The following SCAF4 variants were observed in gnomAD, a reference collection of about 807,000 sequenced individuals.
The protein encoded by SCAF4 is SR-related CTD associated factor 4, also known as SR-related and CTD-associated factor 4.
A neutral mutation model predicts 129.8 loss-of-function variants in SCAF4; 25 were observed. The ratio of observed to expected loss-of-function variants is 0.19; its 90% confidence interval spans 0.14 to 0.27. SCAF4 has a LOEUF of 0.27. Ranked by LOEUF, SCAF4 falls within the 10% of genes least tolerant of loss-of-function variation. The pLI is 1.00. For missense variants in SCAF4, 1,246 were observed against 1,457.1 expected, an observed-to-expected ratio of 0.86 and a Z score of 2.36; for synonymous variants, 551 against 497.7, an observed-to-expected ratio of 1.11 and a Z score of -1.43.
Position 31,693,287 on chromosome 21 carries a change from G to GA in SCAF4, c.1513+6dup. On this transcript the variant is annotated splice_region_variant and intron_variant, in intron 12 of 19. Transcript: ENST00000286835. ...TACATGAGGTTTGAATATAAAGGTT[G>GA]AGTTACCACTTGCAGTTTCCGGTTT... The GA allele has an allele frequency of 1.4e-6, 2 of 1,453,898 alleles. No homozygotes were observed. The highest frequency in any genetic ancestry group is 9.2e-7 in the Non-Finnish European group (1 of 1,084,392). The allele number at this position is 1,453,898 out of a possible 1,614,324, so 90.1% of individuals were successfully genotyped here.
Position 31,685,727 on chromosome 21 carries a change from G to A in SCAF4, c.2050C>T (p.Pro684Ser), listed in dbSNP as rs181372986. The A allele has an allele frequency of 6.3e-7, 1 of 1,590,284 alleles. No homozygotes were observed. The highest frequency in any genetic ancestry group is 8.5e-7 in the Non-Finnish European group (1 of 1,170,482). The change falls in exon 17 of 20, where the codon CCA becomes TCA. Residue 684 changes from proline (P) to serine (S), a missense_variant. Physicochemically the swap from Pro to Ser is moderately conservative, Grantham distance 74 (BLOSUM62 -1). Transcript: ENST00000286835. ...ACTACAGGTGGACCCGGTTGATGTG[G>A]TGGGACCTAGAAAGAAAGATAAAAG... ...PITVPPPQVP[P>S]HQPGPPVVGA...
chr21:31,697,959 A>G (rs2050428370), intron 7 of SCAF4, among the ~76,000 whole-genome samples: 1 of 152,210 alleles, frequency 6.6e-6, no homozygotes, highest in South Asian at 2.1e-4. Context: ...TGGCAACAAT[A>G]AAATATTTTT....
Position 31,731,808 on chromosome 21 carries a change from C to A in SCAF4, c.-116G>T. The stretch of plus-strand genomic sequence containing the variant: ...GTGGCCGGGGGGAGGCGACGAGCGG[C>A]GGAGTCCGAGGCCCGGGCAGGAAGA... On this transcript the variant is annotated 5_prime_UTR_variant, in exon 1 of 20. Transcript: ENST00000286835. 1 of 1,244,274 alleles carries A rather than the reference C, an allele frequency of 8.0e-7. No homozygotes were observed. Among genetic ancestry groups the A allele is most frequent in the East Asian group, 3.0e-5 (1 of 33,068 alleles). The allele number at this position is 1,244,274 out of a possible 1,614,324, so 77.1% of individuals were successfully genotyped here.
chr21:31,697,631 C>T (rs1247673251), intron 7 of SCAF4, among the ~76,000 whole-genome samples: 2 of 152,194 alleles, frequency 1.3e-5, no homozygotes, highest in East Asian at 1.9e-4. Context: ...CCTTTCAAGC[C>T]GTGCTCATTC....
Position 31,690,908 on chromosome 21 carries a change from A to G in SCAF4, c.1774T>C (p.Tyr592His), listed in dbSNP as rs1206926379. Residue 592 changes from tyrosine (Y) to histidine (H), a missense_variant, in exon 15 of 20, where the codon TAT becomes CAT. By Grantham distance (83) the Tyr-to-His change is moderately conservative (BLOSUM62 2). Transcript: ENST00000286835. ...NKGIKADYKQYWDVELGVTYI... is the reference protein window; with the variant it reads ...NKGIKADYKQHWDVELGVTYI... ...GTAACACCAAGTTCTACATCCCAAT[A>G]CTGCTTATAATCTGCCTTTATTCCT... 2.5e-6 allele frequency: 4 copies of G among 1,613,188 alleles called. No homozygotes were observed. Among genetic ancestry groups the G allele is most frequent in the Non-Finnish European group, 3.4e-6 (4 of 1,179,430 alleles).
intron 19 of SCAF4, among the ~76,000 whole-genome samples, chr21:31,682,339 A>G (rs943270549): frequency 6.6e-6 from 1 of 151,864 alleles, no homozygotes; most frequent in African/African-American, 2.4e-5. Flanking sequence ...AGATTGCGCC[A>G]CTGCACTCCA....
chr21:31,695,647 A>G (rs925860989), intron 9 of SCAF4, among the ~76,000 whole-genome samples: 45 of 152,256 alleles, frequency 3.0e-4, no homozygotes, highest in Non-Finnish European at 2.9e-5. Context: ...CAAGTTTAAG[A>G]AACACTCAAT....
At chr21:31,694,786 TA>T (rs2050344166) in intron 10 of SCAF4, 26 bp downstream of exon 10, 1 of 1,610,268 alleles carries the variant, frequency 6.2e-7, no homozygotes, top group South Asian at 1.1e-5. Flanking sequence ...CAAAAAAAGA[TA>T]AAACTATCTG....
rs544570094 is a variant in SCAF4 at position 31,730,189 on chromosome 21, G to T, written c.30+1474C>A. 2.6e-5 allele frequency among the ~76,000 whole-genome samples: 4 copies of T among 152,340 alleles called. No individual in the cohort carries two copies. The South Asian group carries it at 6.2e-4, about 24-fold the overall frequency. ...AACTGAAACTTCCTGCCCTCATGGA[G>T]CCAGGAGCCAACATGCCAGTGAATT... On this transcript the variant is annotated intron_variant, in intron 1 of 19. Transcript: ENST00000286835.
intron 1 of SCAF4, among the ~76,000 whole-genome samples, chr21:31,714,214 A>G (rs1333321824): frequency 6.6e-6 from 1 of 152,166 alleles, no homozygotes; most frequent in Non-Finnish European, 1.5e-5. Flanking sequence ...CCCGCAGAGG[A>G]CAAGTATTCA....
intron 1 of SCAF4, among the ~76,000 whole-genome samples, chr21:31,709,854 T>TAA (rs560133020): frequency 5.9e-5 from 8 of 135,662 alleles, no homozygotes; most frequent in East Asian, 4.3e-4. Context: ...AGATGATACT[T>TAA]AAAAAAAAAA....
At chr21:31,710,637 G>A (rs1352091218) in intron 1 of SCAF4, among the ~76,000 whole-genome samples, 1 of 152,142 alleles carries the variant, frequency 6.6e-6, no homozygotes, top group Non-Finnish European at 1.5e-5. Context: ...GAAAAAACCT[G>A]CAAAAATGAG....
chr21:31,688,687 T>C (rs531270313), intron 15 of SCAF4, among the ~76,000 whole-genome samples: 33 of 152,348 alleles, frequency 2.2e-4, no homozygotes, highest in Non-Finnish European at 4.7e-4. Flanking sequence ...TATACTAGCT[T>C]ATTTAGTTCT....
chr21:31,684,008 TG>T (rs111761789), intron 19 of SCAF4: 12 of 153,570 alleles, frequency 7.8e-5, no homozygotes, highest in African/African-American at 2.4e-4. Context: ...AAAAACAAAT[TG>T]TTTTTTTATT....
At chr21:31,698,422 T>C (rs535458520) in intron 7 of SCAF4, among the ~76,000 whole-genome samples, 1 of 152,314 alleles carries the variant, frequency 6.6e-6, no homozygotes, top group African/African-American at 2.4e-5. Context: ...TAAATTTACC[T>C]ATAAATTCAA....
At chr21:31,684,058 G>A (rs893442942) in intron 19 of SCAF4, 2 of 153,530 alleles carry the variant, frequency 1.3e-5, no homozygotes, top group African/African-American at 4.8e-5. Flanking sequence ...AATTCCAACA[G>A]TACTGAATAG....
At chr21:31,700,741 CTT>C (rs79606547) in intron 7 of SCAF4, 2,367 of 288,050 alleles carry the variant, frequency 8.2e-3, no homozygotes, top group Non-Finnish European at 9.9e-3. Flanking sequence ...CTAACTTTTT[CTT>C]TTTTTTTTTT....
chr21:31,713,926 T>C lies in SCAF4; in HGVS notation c.31-7569A>G, dbSNP rs192222938. Among the ~76,000 whole-genome samples, 6 of 152,268 alleles carry C rather than the reference T, an allele frequency of 3.9e-5. No individual in the cohort carries two copies. In the East Asian group the frequency reaches 7.7e-4, roughly 20 times the overall value. ...TCAACAAACCTCAGGAAAAAAGCTA[T>C]TAGCTTTATATATCAAGTCTAAAAG... On this transcript the variant is annotated intron_variant, in intron 1 of 19. Transcript: ENST00000286835.
At chr21:31,676,741 A>G (rs1021745131) in intron 19 of SCAF4, among the ~76,000 whole-genome samples, 3 of 152,200 alleles carry the variant, frequency 2.0e-5, no homozygotes, top group Non-Finnish European at 2.9e-5. Context: ...TAAATGTACT[A>G]TTCAATGGTT....
Sources: allele counts gnomAD v4.1 joint callset (sites outside exome capture counted in the v4.1 genomes callset), GRCh38; gene constraint gnomAD v4.1.1; transcripts MANE v1.5; gene names NCBI Gene and HGNC (gene_info 2026-07-23, HGNC 2026-07-21).